The following ZC3H14 variants were observed in gnomAD, a reference collection of about 807,000 sequenced individuals.
ZC3H14 encodes the protein zinc finger CCCH domain-containing protein 14.
In ZC3H14, 31 loss-of-function variants were observed where a neutral mutation model predicts 92.4. The ratio of observed to expected loss-of-function variants is 0.34; its 90% CI spans 0.25 to 0.45. The LOEUF is 0.45. ZC3H14 is among the 20% of genes least tolerant of loss of function. ZC3H14 has a pLI of 1.00. For synonymous variants in ZC3H14, 321 were observed against 300.9 expected (o/e 1.07, Z -0.69); for missense variants, 781 against 897.3 (o/e 0.87, Z 1.66).
rs763809823 is a variant in ZC3H14, at chr14:88,610,938, C to T, written c.2202C>T (p.Thr734=). ...RHALKWIRPQ[T]SE Reference sequence around the variant, plus strand: ...CCTTGAAATGGATTCGACCTCAAACCAGGTAAACATTCAAATTCGTTTTTC... The same window carrying T: ...CCTTGAAATGGATTCGACCTCAAACTAGGTAAACATTCAAATTCGTTTTTC... Residue 734 remains threonine (T), a splice_region_variant and synonymous_variant, in exon 16 of 17, where the codon ACC becomes ACT. Coordinates refer to ENST00000251038, the MANE Select transcript of ZC3H14 (RefSeq NM_024824.5). The T allele has an allele frequency of 5.0e-6, 8 of 1,613,678 alleles. No individual in the cohort carries two copies. In the South Asian group the frequency reaches 8.8e-5, roughly 18 times the overall value.
chr14:88,563,960 A>G (rs530227526), intron 2 of ZC3H14, among the ~76,000 whole-genome samples: 10 of 150,266 alleles, frequency 6.7e-5, no homozygotes, highest in Non-Finnish European at 1.0e-4. Flanking sequence ...TGTTTTTCCT[A>G]TTCTCTCTCT....
intron 9 of ZC3H14, among the ~76,000 whole-genome samples, chr14:88,578,796 T>G (rs928034258): frequency 1.3e-5 from 2 of 148,498 alleles, no homozygotes; most frequent in African/African-American, 5.0e-5. Flanking sequence ...TTTTTTTTTT[T>G]TTTTTTTTTG....
At position 88,624,913 on chromosome 14, in the gene ZC3H14, C is replaced by T; in HGVS notation, c.*13162C>T. ...TAGAAACAACTAGAATAATTAACTG[C>T]AAACCTCAGGTAGGTCACAAATGCA... On this transcript the variant is annotated 3_prime_UTR_variant, in exon 17 of 17. Transcript: ENST00000251038. 6.3e-7 allele frequency: 1 copy of T among 1,581,954 alleles called. No homozygotes were observed.
At chr14:88,571,712 A>G (rs1369313203) in intron 4 of ZC3H14, among the ~76,000 whole-genome samples, 1 of 152,236 alleles carries the variant, frequency 6.6e-6, no homozygotes, top group Non-Finnish European at 1.5e-5. Context: ...CTGTAATCCC[A>G]GCATTTTGGG....
chr14:88,569,011 C>T lies in ZC3H14; in HGVS notation c.194+858C>T, dbSNP rs549003212. Among the ~76,000 whole-genome samples, 6 of 152,126 alleles carry T rather than the reference C, an allele frequency of 3.9e-5. No individual in the cohort carries two copies. In the South Asian group the frequency reaches 1.2e-3, roughly 32 times the overall value. On this transcript the variant is annotated intron_variant, in intron 3 of 16. Coordinates refer to ENST00000251038, the MANE Select transcript of ZC3H14 (RefSeq NM_024824.5). ...ATCATCCCATTGCAGTCCCCTCCTT[C>T]CTGAACTCCCATGCCTGACTAATTT...
intron 9 of ZC3H14, among the ~76,000 whole-genome samples, chr14:88,578,581 A>G (rs181030105): frequency 9.3e-4 from 141 of 152,270 alleles, no homozygotes; most frequent in Non-Finnish European, 1.8e-3. Flanking sequence ...TGGTCTTTAG[A>G]TAGCTCCTTC....
intron 4 of ZC3H14, 123 bp from the exon 5 acceptor site, chr14:88,571,907 G>A: frequency 1.5e-6 from 1 of 688,672 alleles, no homozygotes. Context: ...GAGGTTGCAG[G>A]GAGCCGAGAA....
At chr14:88,567,120 A>ATTTTTTT (rs1288251572) in intron 2 of ZC3H14, among the ~76,000 whole-genome samples, 3 of 21,506 alleles carry the variant, frequency 1.4e-4, no homozygotes, top group Non-Finnish European at 5.1e-4. Context: ...TATTTTATTT[A>ATTTTTTT]TTTATTTTTT....
intron 9 of ZC3H14, 66 bp downstream of exon 9, chr14:88,578,206 A>T: frequency 6.4e-7 from 1 of 1,562,662 alleles, no homozygotes; most frequent in Non-Finnish European, 8.8e-7. Context: ...ATATTTTCCA[A>T]TGGATTTTTA....
rs1199028380 is a variant in ZC3H14 at position 88,625,220 on chromosome 14, AC to A, written c.*13472del. On this transcript the variant is annotated 3_prime_UTR_variant, in exon 17 of 17. Transcript: ENST00000251038. ...TTCTATGTATGTGTAATGCTGTCTC[AC>A]CCTTGATACAAAGAGCATGCATCGT... The A allele has an allele frequency of 7.1e-7, 1 of 1,407,002 alleles. No individual in the cohort carries two copies. The highest frequency in any genetic ancestry group is 2.4e-5 in the East Asian group (1 of 41,100). 87.2% of individuals were successfully genotyped at this position (1,407,002 alleles called of 1,614,324 possible).
Position 88,613,681 on chromosome 14 carries a change from G to A in ZC3H14, c.*1930G>A, listed in dbSNP as rs533484465. On this transcript the variant is annotated 3_prime_UTR_variant, in exon 17 of 17. Coordinates refer to ENST00000251038, the MANE Select transcript of ZC3H14 (RefSeq NM_024824.5). ...ACAAAAAAAGGAAGGAAATGAGCAT[G>A]GTTGGCGATTGGAAGCAAGGGTACC... 1 of 152,210 alleles carries A rather than the reference G, an allele frequency of 6.6e-6. No individual in the cohort carries two copies. The highest frequency in any genetic ancestry group is 2.4e-5 in the African/African-American group (1 of 41,530). The allele number at this position is 152,210 out of a possible 1,614,324, so 9.4% of individuals were successfully genotyped here.
intron 7 of ZC3H14, 47 bp downstream of exon 7, chr14:88,574,900 G>A (rs2080959426): frequency 3.1e-6 from 5 of 1,612,920 alleles, no homozygotes; most frequent in African/African-American, 1.3e-5. Flanking sequence ...CCTTGGTGGA[G>A]TCTTCCTGAT....
In ZC3H14 at chr14:88,626,775, T is replaced by G; in HGVS notation, c.*15024T>G. On this transcript the variant is annotated 3_prime_UTR_variant, in exon 17 of 17. Coordinates refer to ENST00000251038, the MANE Select transcript of ZC3H14 (RefSeq NM_024824.5). ...ATCTCAACAACATTCATGTGGCTGATGATCTAAGGCAAGAGAATGTAAAGT... is the reference window on the plus strand; with the variant it reads ...ATCTCAACAACATTCATGTGGCTGAGGATCTAAGGCAAGAGAATGTAAAGT... 1.1e-5 allele frequency: 17 copies of G among 1,522,698 alleles called. No individual in the cohort carries two copies. Among genetic ancestry groups the G allele is most frequent in the African/African-American group, 4.1e-5 (3 of 73,154 alleles). 94.3% of individuals were successfully genotyped at this position (1,522,698 alleles called of 1,614,324 possible).
chr14:88,574,636 G>A, intron 6 of ZC3H14, 57 bp from the exon 7 acceptor site: 1 of 1,594,094 alleles, frequency 6.3e-7, no homozygotes, highest in Non-Finnish European at 8.6e-7. Context: ...AACATTTTGT[G>A]GTAGAACTCT....
chr14:88,595,325 G>A (rs571772178), intron 9 of ZC3H14, among the ~76,000 whole-genome samples: 2 of 152,186 alleles, frequency 1.3e-5, no homozygotes, highest in African/African-American at 4.8e-5. Flanking sequence ...TCTCTAAAAC[G>A]ATGTTTTGAA....
chr14:88,570,388 G>A (rs1170798954), intron 3 of ZC3H14, among the ~76,000 whole-genome samples: 1 of 152,162 alleles, frequency 6.6e-6, no homozygotes, highest in Non-Finnish European at 1.5e-5. Context: ...TACCAAAACA[G>A]GTTATGTTAC....
chr14:88,569,198 A>G (rs887135711), intron 3 of ZC3H14, among the ~76,000 whole-genome samples: 2 of 151,916 alleles, frequency 1.3e-5, no homozygotes, highest in East Asian at 1.9e-4. Flanking sequence ...CTTTTCCCCC[A>G]CCAAAACCAG....
chr14:88,563,637 T>C lies in ZC3H14; in HGVS notation c.37-14T>C, dbSNP rs770978040. The C allele has an allele frequency of 2.5e-6, 4 of 1,614,160 alleles. No individual in the cohort carries two copies. Among genetic ancestry groups the C allele is most frequent in the South Asian group, 2.2e-5 (2 of 91,090 alleles). On this transcript the variant is annotated splice_polypyrimidine_tract_variant and intron_variant, in intron 1 of 16. Coordinates refer to ENST00000251038, the MANE Select transcript of ZC3H14 (RefSeq NM_024824.5). ...CCGCCTTTCTCACATGCACGTTTGC[T>C]CTTTTTCTCTCAGAGTGCCATTAAG... is the stretch of plus-strand genomic sequence containing the variant.
In ZC3H14 at chr14:88,611,747, A is replaced by G; in HGVS notation, c.2207A>G (p.Glu736Gly). 6.2e-7 allele frequency: 1 copy of G among 1,614,080 alleles called. No homozygotes were observed. Among genetic ancestry groups the G allele is most frequent in the Non-Finnish European group, 8.5e-7 (1 of 1,179,962 alleles). The change falls in exon 17 of 17, where the codon GAA (glutamate) becomes GGA (glycine). Residue 736 changes from glutamate (E) to glycine (G), a missense_variant and splice_region_variant. Physicochemically the swap from Glu to Gly is moderately conservative, Grantham distance 98. Transcript: ENST00000251038. ...ALKWIRPQTS[E>G] is the part of the protein sequence containing the mutation. ...AATTTTTGGTTCTGTTCATTCAGCG[A>G]ATAGCACCCAGTCCTGCCTGGCAGA...
Sources: gnomAD v4.1 joint callset for allele counts (sites outside exome capture counted in the v4.1 genomes callset) on GRCh38, gnomAD v4.1.1 for gene constraint, MANE v1.5 for transcripts, NCBI Gene and HGNC (gene_info 2026-07-23, HGNC 2026-07-21) for gene names.